MARCHF1: variants seen among roughly 807,000 people sequenced by gnomAD.
The protein encoded by MARCHF1 is E3 ubiquitin-protein ligase MARCHF1.
Under a neutral mutation model 54.2 loss-of-function variants are expected in MARCHF1, and 40 were observed. The ratio of observed to expected loss-of-function variants is 0.74; its 90% CI spans 0.57 to 0.96. MARCHF1 has a LOEUF of 0.96. Ranked by LOEUF, MARCHF1 falls within the 40% of genes least tolerant of loss-of-function variation. MARCHF1 has a pLI of 0.00. For missense variants in MARCHF1, 586 were observed against 656.5 expected, an observed-to-expected ratio of 0.89 and a Z score of 1.17; for synonymous variants, 236 against 236.3, an observed-to-expected ratio of 1.00 and a Z score of 0.01.
intron 3 of MARCHF1, among the ~76,000 whole-genome samples, chr4:163,916,543 T>C (rs969143996): frequency 2.6e-5 from 4 of 152,070 alleles, no homozygotes; most frequent in Non-Finnish European, 5.9e-5. Flanking sequence ...ACATGATCAC[T>C]GCCTCCCTGG....
chr4:164,275,024 T>C (rs967286107), intron 1 of MARCHF1, among the ~76,000 whole-genome samples: 1 of 151,610 alleles, frequency 6.6e-6, no homozygotes, highest in African/African-American at 2.4e-5. Context: ...ATAAAAAATA[T>C]AATAAGAAAC....
chr4:163,913,765 C>G (rs574517431), intron 3 of MARCHF1, among the ~76,000 whole-genome samples: 1 of 152,306 alleles, frequency 6.6e-6, no homozygotes, highest in South Asian at 2.1e-4. Context: ...ACTCCAGTAT[C>G]TTTCCTTCTG....
intron 5 of MARCHF1, among the ~76,000 whole-genome samples, chr4:163,660,174 C>A: frequency 6.6e-6 from 1 of 151,942 alleles, no homozygotes; most frequent in African/African-American, 2.4e-5. Context: ...TAATGATAGA[C>A]TGGATAAAGA....
At chr4:164,185,662 G>T (rs61627270) in intron 1 of MARCHF1, among the ~76,000 whole-genome samples, 1 of 151,874 alleles carries the variant, frequency 6.6e-6, no homozygotes, top group Non-Finnish European at 1.5e-5. Flanking sequence ...TGGAGAGTTT[G>T]AAAGTAGACT....
chr4:164,122,987 AGG>A (rs1756103624), intron 1 of MARCHF1, among the ~76,000 whole-genome samples: 6 of 152,156 alleles, frequency 3.9e-5, no homozygotes, highest in African/African-American at 1.4e-4. Context: ...AAAGAAATAA[AGG>A]GCATCCAAAC....
chr4:163,649,260 C>A (rs2111063831), intron 5 of MARCHF1, among the ~76,000 whole-genome samples: 1 of 152,066 alleles, frequency 6.6e-6, no homozygotes, highest in African/African-American at 2.4e-5. Context: ...TGACTTATAT[C>A]ATACAAAAAG....
At chr4:164,231,519 T>A (rs1463172306) in intron 1 of MARCHF1, among the ~76,000 whole-genome samples, 1 of 152,156 alleles carries the variant, frequency 6.6e-6, no homozygotes, top group Non-Finnish European at 1.5e-5. Flanking sequence ...TGACATCTTT[T>A]AATTTTAGCA....
intron 3 of MARCHF1, among the ~76,000 whole-genome samples, chr4:163,889,476 G>GA (rs76821614): frequency 0.95 from 144,357 of 152,186 alleles, 68,823 homozygotes; most frequent in South Asian, 0.99. Context: ...TGAGAGCAGG[G>GA]AAAATTTCAT....
At chr4:164,310,201 C>A (rs1734811193) in intron 1 of MARCHF1, among the ~76,000 whole-genome samples, 1 of 152,048 alleles carries the variant, frequency 6.6e-6, no homozygotes, top group South Asian at 2.1e-4. Context: ...CTTCAGCCTC[C>A]CGAGTAGCTG....
chr4:164,181,608 G>A (rs1308000513), intron 1 of MARCHF1, among the ~76,000 whole-genome samples: 1 of 152,084 alleles, frequency 6.6e-6, no homozygotes, highest in East Asian at 1.9e-4. Context: ...ACAGTTTTTT[G>A]ATAACTTTTC....
At chr4:163,726,770 G>A (rs1745667119) in intron 4 of MARCHF1, among the ~76,000 whole-genome samples, 1 of 152,164 alleles carries the variant, frequency 6.6e-6, no homozygotes, top group Non-Finnish European at 1.5e-5. Flanking sequence ...ACATTTGGTG[G>A]TGGTGTTTTG....
In MARCHF1 at chr4:163,612,326, C is replaced by T. The variant is rs924409890; in HGVS notation, c.955G>A (p.Val319Ile). 1.1e-5 allele frequency: 17 copies of T among 1,531,404 alleles called. No individual in the cohort carries two copies. Among genetic ancestry groups the T allele is most frequent in the Non-Finnish European group, 1.5e-5 (17 of 1,145,318 alleles). 94.9% of individuals were successfully genotyped at this position (1,531,404 alleles called of 1,614,324 possible). The change falls in exon 7 of 10, where the codon GTT becomes ATT. Residue 319 changes from valine to isoleucine, a missense_variant. Coordinates refer to ENST00000514618, the MANE Select transcript of MARCHF1 (RefSeq NM_001394959.1). ...TCATAGGTGGCAGGAGGCTTCTGAACAGGGTTATTCACCTGGAGCCCTGCA... is the reference window on the plus strand; with the variant it reads ...TCATAGGTGGCAGGAGGCTTCTGAATAGGGTTATTCACCTGGAGCCCTGCA... The part of the protein sequence containing the change: ...NDAGLQVNNP[V>I]QKPPATYDDG...
At chr4:164,003,770 G>T (rs1215940736) in intron 2 of MARCHF1, among the ~76,000 whole-genome samples, 2 of 152,036 alleles carry the variant, frequency 1.3e-5, no homozygotes, top group Non-Finnish European at 2.9e-5. Context: ...ATTTGATCCA[G>T]CAATCCCATT....
intron 1 of MARCHF1, among the ~76,000 whole-genome samples, chr4:164,196,784 T>C (rs867175684): frequency 1.3e-4 from 20 of 152,184 alleles, no homozygotes; most frequent in African/African-American, 4.8e-4. Context: ...GCAGTAAAAA[T>C]AGTATTTTAG....
intron 1 of MARCHF1, among the ~76,000 whole-genome samples, chr4:164,183,152 G>A (rs553588645): frequency 1.2e-3 from 187 of 151,898 alleles, no homozygotes; most frequent in South Asian, 0.01. Flanking sequence ...ATGACTTCAG[G>A]ATTCAAAAAG....
chr4:164,347,141 A>G lies in MARCHF1; in HGVS notation c.-323+36729T>C, dbSNP rs80077003. On this transcript the variant is annotated intron_variant, in intron 1 of 9. Transcript: ENST00000514618. ...GTTGGTACTCCACATTTGCCAAATA[A>G]ATAAAGAACATGTGAAAAAAAAATT... Among the ~76,000 whole-genome samples the G allele has an allele frequency of 5.1e-3, 773 of 152,268 alleles. 3 individuals carry two copies. The highest frequency in any genetic ancestry group is 0.044 in the Middle Eastern group (13 of 294).
intron 1 of MARCHF1, among the ~76,000 whole-genome samples, chr4:164,176,495 C>T (rs896727643): frequency 6.6e-6 from 1 of 152,016 alleles, no homozygotes; most frequent in Admixed American, 6.6e-5. Context: ...CAGGTAACAC[C>T]AAACCCCTTA....
At chr4:164,377,616 T>C (rs72690060) in intron 1 of MARCHF1, among the ~76,000 whole-genome samples, 66 of 113,334 alleles carry the variant, frequency 5.8e-4, no homozygotes, top group East Asian at 2.6e-3. Context: ...CACACACACA[T>C]ACACACATGT....
chr4:163,640,318 C>T (rs974923443), intron 5 of MARCHF1, among the ~76,000 whole-genome samples: 3 of 152,042 alleles, frequency 2.0e-5, no homozygotes, highest in Non-Finnish European at 4.4e-5. Context: ...TTTATATGCC[C>T]AGTAATATGC....
Sources: gnomAD v4.1 joint callset for allele counts (sites outside exome capture counted in the v4.1 genomes callset) on GRCh38, gnomAD v4.1.1 for gene constraint, MANE v1.5 for transcripts, NCBI Gene and HGNC (gene_info 2026-07-23, HGNC 2026-07-21) for gene names.